TSHZ2: variants seen among roughly 807,000 people sequenced by gnomAD.
TSHZ2 encodes teashirt zinc finger homeobox 2.
Under a neutral mutation model 74.4 loss-of-function variants are expected in TSHZ2, and 21 were observed. The ratio of observed to expected loss-of-function variants is 0.28; its 90% CI spans 0.20 to 0.41. The LOEUF is 0.41. TSHZ2 is among the 10% of genes least tolerant of loss of function. TSHZ2 has a pLI of 1.00. For synonymous variants in TSHZ2, 540 were observed against 515.3 expected, an observed-to-expected ratio of 1.05 and a Z score of -0.65; for missense variants, 1,244 against 1,293.5, an observed-to-expected ratio of 0.96 and a Z score of 0.59.
At chr20:53,137,497 C>T (rs1987276589) in intron 1 of TSHZ2, among the ~76,000 whole-genome samples, 1 of 152,072 alleles carries the variant, frequency 6.6e-6, no homozygotes, top group Admixed American at 6.5e-5. Context: ...TCAGGAACTG[C>T]CCCTCCATTA....
At chr20:53,307,702 T>A (rs1273360150) in intron 2 of TSHZ2, among the ~76,000 whole-genome samples, 1 of 152,246 alleles carries the variant, frequency 6.6e-6, no homozygotes, top group Non-Finnish European at 1.5e-5. Context: ...GGATTTTACA[T>A]AGGTTCACAC....
At chr20:53,138,101 G>A (rs567055612) in intron 1 of TSHZ2, among the ~76,000 whole-genome samples, 1 of 152,268 alleles carries the variant, frequency 6.6e-6, no homozygotes, top group South Asian at 2.1e-4. Flanking sequence ...ATATATCAGT[G>A]GCCGGGCGCA....
At chr20:53,447,750 T>G (rs1984608949) in intron 2 of TSHZ2, among the ~76,000 whole-genome samples, 1 of 152,176 alleles carries the variant, frequency 6.6e-6, no homozygotes, top group Non-Finnish European at 1.5e-5. Flanking sequence ...CCTCTCATGA[T>G]TGGATTGATG....
intron 2 of TSHZ2, among the ~76,000 whole-genome samples, chr20:53,454,342 T>C (rs1322712049): frequency 2.0e-5 from 3 of 152,076 alleles, no homozygotes; most frequent in African/African-American, 7.2e-5. Context: ...GGCAGGCAGA[T>C]CACGAGGTCA....
intron 2 of TSHZ2, among the ~76,000 whole-genome samples, chr20:53,349,339 T>G (rs1004488723): frequency 6.6e-6 from 1 of 152,208 alleles, no homozygotes. Context: ...TTATAAGATA[T>G]GTGTCTGAGC....
At chr20:53,247,935 C>G (rs563093719) in intron 1 of TSHZ2, among the ~76,000 whole-genome samples, 1 of 152,154 alleles carries the variant, frequency 6.6e-6, no homozygotes, top group Admixed American at 6.5e-5. Flanking sequence ...ACTACAGAAA[C>G]GTATACCTAG....
chr20:53,159,008 T>C (rs963937602), intron 1 of TSHZ2, among the ~76,000 whole-genome samples: 2 of 152,256 alleles, frequency 1.3e-5, no homozygotes, highest in African/African-American at 4.8e-5. Context: ...TTAGCAGAAC[T>C]GACGACAGAT....
At chr20:53,068,333 A>G (rs1985061592) in intron 1 of TSHZ2, among the ~76,000 whole-genome samples, 1 of 151,932 alleles carries the variant, frequency 6.6e-6, no homozygotes, top group Non-Finnish European at 1.5e-5. Context: ...TTTGGCTTCA[A>G]GTTTTGTTGT....
intron 1 of TSHZ2, among the ~76,000 whole-genome samples, chr20:53,000,167 C>A (rs1982359066): frequency 6.6e-6 from 1 of 152,162 alleles, no homozygotes; most frequent in Non-Finnish European, 1.5e-5. Flanking sequence ...GACCTGTGAG[C>A]TAAACGCCAC....
chr20:53,479,671 G>T (rs924671671), intron 2 of TSHZ2, among the ~76,000 whole-genome samples: 4 of 152,216 alleles, frequency 2.6e-5, no homozygotes, highest in African/African-American at 9.7e-5. Context: ...ACAGAGTTAA[G>T]TTCTAGCCTC....
At chr20:53,482,393 C>T (rs1204626538) in intron 2 of TSHZ2, among the ~76,000 whole-genome samples, 1 of 152,152 alleles carries the variant, frequency 6.6e-6, no homozygotes, top group Non-Finnish European at 1.5e-5. Flanking sequence ...GTCACCACAA[C>T]AGGATCCTTT....
chr20:53,364,485 G>A (rs1981183424), intron 2 of TSHZ2, among the ~76,000 whole-genome samples: 1 of 152,184 alleles, frequency 6.6e-6, no homozygotes, highest in African/African-American at 2.4e-5. Context: ...GGGAAGGAGA[G>A]GGGAAGAATG....
intron 2 of TSHZ2, among the ~76,000 whole-genome samples, chr20:53,314,542 C>T (rs777891939): frequency 6.6e-6 from 1 of 151,866 alleles, no homozygotes; most frequent in Non-Finnish European, 1.5e-5. Context: ...AGCCACATAC[C>T]TGGTGCTCCA....
At chr20:53,269,874 C>T (rs1433584282) in intron 2 of TSHZ2, among the ~76,000 whole-genome samples, 1 of 151,902 alleles carries the variant, frequency 6.6e-6, no homozygotes, top group Non-Finnish European at 1.5e-5. Context: ...TTTGAATCAC[C>T]ACATAGGTTA....
intron 1 of TSHZ2, among the ~76,000 whole-genome samples, chr20:53,093,799 T>A (rs1290041400): frequency 6.6e-6 from 1 of 152,182 alleles, no homozygotes; most frequent in Non-Finnish European, 1.5e-5. Context: ...AATAAACACA[T>A]GCTAAAAATA....
Position 53,254,253 on chromosome 20 carries a change from T to A in TSHZ2, c.795T>A (p.Asp265Glu). The A allele has an allele frequency of 6.2e-7, 1 of 1,614,012 alleles. No homozygotes were observed. Among genetic ancestry groups the A allele is most frequent in the African/African-American group, 1.3e-5 (1 of 75,006 alleles). ...AGCCCAGGAAAAGGGCTTTCCAGGA[T>A]ATGGACAAAGAGGATGCTCAAAAGG... ...YSKPRKRAFQ[D>E]MDKEDAQKVL... Residue 265 changes from aspartate to glutamate, a missense_variant, in exon 2 of 3, where the codon GAT becomes GAA. By Grantham distance (45) the Asp-to-Glu change is conservative. Transcript: ENST00000371497.
In TSHZ2 at chr20:53,173,323, C is replaced by T. The variant is rs6022319; in HGVS notation, c.41-80176C>T. The stretch of plus-strand genomic sequence containing the variant: ...GGTAAGTATTTAAATAATAATAAAG[C>T]GGAGGCTGGGCGCTGTGGCTTACAC... On this transcript the variant is annotated intron_variant, in intron 1 of 2. Transcript: ENST00000371497. Among the ~76,000 whole-genome samples, 135 of 152,194 alleles carry T rather than the reference C, an allele frequency of 8.9e-4. 2 individuals carry two copies. Among genetic ancestry groups the T allele is most frequent in the African/African-American group, 3.1e-3 (127 of 41,544 alleles).
At chr20:53,409,567 A>T (rs1982971624) in intron 2 of TSHZ2, among the ~76,000 whole-genome samples, 1 of 152,224 alleles carries the variant, frequency 6.6e-6, no homozygotes, top group Admixed American at 6.5e-5. Flanking sequence ...TATTAAAAAA[A>T]TTGATGTAGT....
chr20:53,066,451 G>A (rs1288449600), intron 1 of TSHZ2, among the ~76,000 whole-genome samples: 5 of 152,042 alleles, frequency 3.3e-5, no homozygotes, highest in African/African-American at 1.2e-4. Flanking sequence ...AAATGGAGGT[G>A]AAGTGGACCT....
Sources: allele counts gnomAD v4.1 joint callset (sites outside exome capture counted in the v4.1 genomes callset), GRCh38; gene constraint gnomAD v4.1.1; transcripts MANE v1.5; gene names NCBI Gene and HGNC (gene_info 2026-07-23, HGNC 2026-07-21).